PPP1CB: variants seen among roughly 807,000 people sequenced by gnomAD.
The protein encoded by PPP1CB is serine/threonine-protein phosphatase PP1-beta catalytic subunit.
PPP1CB carries 2 observed loss-of-function variants against 43.7 expected under a neutral mutation model. The ratio of observed to expected loss-of-function variants is 0.05; its 90% CI spans 0.02 to 0.14. PPP1CB has a LOEUF of 0.14. PPP1CB is among the 10% of genes least tolerant of loss of function. The probability of loss-of-function intolerance (pLI) is 1.00; values close to 1 mark genes in which losing one functional copy is unlikely to be tolerated. For synonymous variants in PPP1CB, 136 were observed against 135.6 expected (o/e 1.00, Z -0.02); for missense variants, 84 against 398.0 (o/e 0.21, Z 6.71).
chr2:28,780,354 G>A (rs967003303), intron 3 of PPP1CB, among the ~76,000 whole-genome samples: 2 of 152,090 alleles, frequency 1.3e-5, no homozygotes, highest in African/African-American at 4.8e-5. Flanking sequence ...GCCTCCCAGA[G>A]TGCTGGGATT....
intron 1 of PPP1CB, among the ~76,000 whole-genome samples, chr2:28,765,095 A>G (rs146364714): frequency 5.8e-4 from 88 of 152,286 alleles, no homozygotes; most frequent in African/African-American, 2.1e-3. Flanking sequence ...TATATATCAC[A>G]TACCCTTGGA....
chr2:28,782,314 ATGAAATAAGCTTGAAGTTTTT>A (rs2148052315), intron 4 of PPP1CB, among the ~76,000 whole-genome samples: 1 of 152,312 alleles, frequency 6.6e-6, no homozygotes, highest in African/African-American at 2.4e-5. Context: ...TGTATGGCTT[ATGAAATAAGCTTGAAGTTTTT>A]TGAAAGTTTA....
chr2:28,765,762 A>T (rs976580198), intron 1 of PPP1CB, among the ~76,000 whole-genome samples: 1 of 152,154 alleles, frequency 6.6e-6, no homozygotes, highest in Non-Finnish European at 1.5e-5. Flanking sequence ...ATAGAAAATT[A>T]AATTAGCCAG....
chr2:28,793,800 A>C, intron 6 of PPP1CB, 63 bp from the exon 7 acceptor site: 1 of 1,582,196 alleles, frequency 6.3e-7, no homozygotes, highest in Non-Finnish European at 8.6e-7. Context: ...AACCTTAATT[A>C]GTATAGATGG....
At position 28,800,149 on chromosome 2, in the gene PPP1CB, G is replaced by C. The variant is rs1306703476; in HGVS notation, c.*846G>C. 6.6e-6 allele frequency: 1 copy of C among 151,132 alleles called. No homozygotes were observed. Among genetic ancestry groups the C allele is most frequent in the Admixed American group, 6.6e-5 (1 of 15,094 alleles). 9.4% of individuals were successfully genotyped at this position (151,132 alleles called of 1,614,324 possible). A position where few individuals can be genotyped will look rare whatever the true frequency, so the allele number is the denominator to read the frequency against. On this transcript the variant is annotated 3_prime_UTR_variant, in exon 8 of 8. Coordinates refer to ENST00000395366, the MANE Select transcript of PPP1CB (RefSeq NM_002709.3). ...GTACCTTGGCTTTAGGTTTTCATTC[G>C]CACGGAACACCTTTTGGCATGCTTA...
chr2:28,790,828 A>G (rs1387828247), intron 6 of PPP1CB, among the ~76,000 whole-genome samples: 2 of 152,222 alleles, frequency 1.3e-5, no homozygotes, highest in Admixed American at 6.5e-5. Flanking sequence ...CATGAAAAGT[A>G]TTGAATTAGG....
intron 1 of PPP1CB, among the ~76,000 whole-genome samples, chr2:28,760,490 A>C (rs550726576): frequency 6.6e-6 from 1 of 152,354 alleles, no homozygotes; most frequent in African/African-American, 2.4e-5. Flanking sequence ...TTTGTAGCCT[A>C]AGAGCAATAG....
chr2:28,783,256 A>C (rs1484800597), intron 4 of PPP1CB, among the ~76,000 whole-genome samples: 2 of 152,178 alleles, frequency 1.3e-5, no homozygotes, highest in Non-Finnish European at 2.9e-5. Context: ...AAGAACTGGC[A>C]AAAGTGGTAG....
intron 7 of PPP1CB, among the ~76,000 whole-genome samples, chr2:28,796,484 T>C (rs1438579401): frequency 2.0e-5 from 3 of 152,174 alleles, no homozygotes; most frequent in Non-Finnish European, 4.4e-5. Flanking sequence ...GCTTTGTAGT[T>C]GTAGAGATCT....
At chr2:28,771,873 A>T (rs936845235) in intron 1 of PPP1CB, among the ~76,000 whole-genome samples, 1 of 152,172 alleles carries the variant, frequency 6.6e-6, no homozygotes, top group East Asian at 1.9e-4. Flanking sequence ...ATTTTTTAAG[A>T]TTTAAATTCA....
chr2:28,760,123 G>A (rs1666607856), intron 1 of PPP1CB, among the ~76,000 whole-genome samples: 1 of 152,082 alleles, frequency 6.6e-6, no homozygotes, highest in South Asian at 2.1e-4. Flanking sequence ...GCTAATGTGT[G>A]TGTATATGGC....
At position 28,802,740 on chromosome 2, in the gene PPP1CB, G is replaced by A. The variant is rs1667648370; in HGVS notation, c.*3437G>A. 6.6e-6 allele frequency: 1 copy of A among 152,070 alleles called. No individual in the cohort carries two copies. The highest frequency in any genetic ancestry group is 1.5e-5 in the Non-Finnish European group (1 of 68,010). 9.4% of individuals were successfully genotyped at this position (152,070 alleles called of 1,614,324 possible). On this transcript the variant is annotated 3_prime_UTR_variant, in exon 8 of 8. Transcript: ENST00000395366. Reference sequence around the variant, plus strand: ...GTAACAATTTTGATCTGTTAAATTGGATTTTACATGTACATTTGAATGCCA... The same window carrying A: ...GTAACAATTTTGATCTGTTAAATTGAATTTTACATGTACATTTGAATGCCA...
chr2:28,784,967 C>G (rs1215501173), intron 5 of PPP1CB, among the ~76,000 whole-genome samples: 11 of 147,620 alleles, frequency 7.5e-5, no homozygotes, highest in Non-Finnish European at 3.0e-5. Context: ...ACAAAAAATG[C>G]TGCTCAGAAC....
At chr2:28,793,332 C>G (rs867809870) in intron 6 of PPP1CB, among the ~76,000 whole-genome samples, 1 of 152,168 alleles carries the variant, frequency 6.6e-6, no homozygotes. Flanking sequence ...CAGTGTGTAG[C>G]CATGTAATAA....
At chr2:28,788,116 T>A (rs950143344) in intron 5 of PPP1CB, among the ~76,000 whole-genome samples, 4 of 152,106 alleles carry the variant, frequency 2.6e-5, no homozygotes, top group African/African-American at 7.2e-5. Flanking sequence ...TTTTAATGTT[T>A]ATGTGGAAGA....
At position 28,777,253 on chromosome 2, in the gene PPP1CB, A is replaced by G. The variant is rs528226778; in HGVS notation, c.184+271A>G. On this transcript the variant is annotated intron_variant, in intron 2 of 7. Transcript: ENST00000395366. ...GAGAAAGGCGATACAGTATAAAAAT[A>G]ACATAGGAAGAGGAAGGTCTTAGAA... 3.3e-5 allele frequency: 6 copies of G among 184,236 alleles called. No individual in the cohort carries two copies. The South Asian group carries it at 8.2e-4, about 25-fold the overall frequency. 11.4% of individuals were successfully genotyped at this position (184,236 alleles called of 1,614,324 possible). A position where few individuals can be genotyped will look rare whatever the true frequency, so the allele number is the denominator to read the frequency against.
At chr2:28,774,587 G>T (rs1391980953) in intron 1 of PPP1CB, among the ~76,000 whole-genome samples, 40 of 151,948 alleles carry the variant, frequency 2.6e-4, no homozygotes, top group Admixed American at 2.6e-3. Flanking sequence ...CACCACTCCC[G>T]GCTAATTCTT....
chr2:28,766,677 G>A (rs1666783397), intron 1 of PPP1CB, among the ~76,000 whole-genome samples: 1 of 152,196 alleles, frequency 6.6e-6, no homozygotes, highest in African/African-American at 2.4e-5. Context: ...CGAGAGCCAA[G>A]GAACACCACT....
chr2:28,755,808 C>G (rs1666477027), intron 1 of PPP1CB, among the ~76,000 whole-genome samples: 1 of 152,132 alleles, frequency 6.6e-6, no homozygotes, highest in Non-Finnish European at 1.5e-5. Context: ...CAGCTCTGTT[C>G]CCAACCACAG....
Sources: allele counts gnomAD v4.1 joint callset (sites outside exome capture counted in the v4.1 genomes callset), GRCh38; gene constraint gnomAD v4.1.1; transcripts MANE v1.5; gene names NCBI Gene and HGNC (gene_info 2026-07-23, HGNC 2026-07-21).